U2SURP: variants seen among roughly 807,000 people sequenced by gnomAD.
The protein encoded by U2SURP is U2 snRNP associated SURP domain containing, also known as U2 snRNP-associated SURP motif-containing protein.
A neutral mutation model predicts 144.9 loss-of-function variants in U2SURP; 9 were observed. The ratio of observed to expected loss-of-function variants is 0.06; its 90% CI spans 0.04 to 0.11. The LOEUF (loss-of-function observed/expected upper bound fraction) is 0.11, where lower values mean the gene tolerates loss of function less well. Ranked by LOEUF, U2SURP falls within the 10% of genes least tolerant of loss-of-function variation. U2SURP has a pLI of 1.00. For synonymous variants in U2SURP, 408 were observed against 396.8 expected (o/e 1.03, Z -0.33); for missense variants, 724 against 1,226.7 (o/e 0.59, Z 6.12).
chr3:143,033,157 T>A, intron 17 of U2SURP, 114 bp from the exon 18 acceptor site: 1 of 822,744 alleles, frequency 1.2e-6, no homozygotes, highest in Non-Finnish European at 1.9e-6. Flanking sequence ...GCCAGAGTCA[T>A]AGTTGTGGTG....
chr3:143,018,163 A>G lies in U2SURP; in HGVS notation c.570+1188A>G, dbSNP rs1936463597. On this transcript the variant is annotated intron_variant, in intron 6 of 27. Transcript: ENST00000473835. ...AATTTCAGAATATTTTTATCACCCT[A>G]AAAAGAAATCCCTACCCATTATCAG... Among the ~76,000 whole-genome samples the G allele has an allele frequency of 2.0e-5, 3 of 152,284 alleles. No individual in the cohort carries two copies. In the South Asian group the frequency reaches 6.2e-4, roughly 32 times the overall value.
intron 6 of U2SURP, among the ~76,000 whole-genome samples, chr3:143,017,831 C>T (rs1057510320): frequency 6.6e-6 from 1 of 151,892 alleles, no homozygotes; most frequent in African/African-American, 2.4e-5. Context: ...GCCATTTTGC[C>T]CAGGCTGGTC....
At chr3:143,027,042 G>A (rs1933196557) in intron 13 of U2SURP, 107 bp from the exon 14 acceptor site, 1 of 851,548 alleles carries the variant, frequency 1.2e-6, no homozygotes, top group African/African-American at 1.7e-5. Context: ...TTCGGTGTTA[G>A]TCAGCAGAAT....
intron 9 of U2SURP, 33 bp from the exon 10 acceptor site, chr3:143,021,440 C>T (rs1486100638): frequency 1.4e-5 from 22 of 1,611,066 alleles, no homozygotes; most frequent in Non-Finnish European, 1.8e-5. Context: ...TTATGTTTTG[C>T]AGGTTATAAT....
At chr3:143,004,969 G>T (rs1935760128) in intron 1 of U2SURP, among the ~76,000 whole-genome samples, 1 of 151,992 alleles carries the variant, frequency 6.6e-6, no homozygotes, top group Non-Finnish European at 1.5e-5. Flanking sequence ...TATTTCCTTA[G>T]AATTTAATTT....
rs1376680380 is a variant in U2SURP at position 143,022,670 on chromosome 3, C to A, written c.1018+8C>A. The A allele has an allele frequency of 2.5e-6, 4 of 1,605,064 alleles. No individual in the cohort carries two copies. Among genetic ancestry groups the A allele is most frequent in the Non-Finnish European group, 3.4e-6 (4 of 1,176,370 alleles). ...CTTTAAAAAATTTGAATGGTAAGAACATTTTTATTATCCATTTATACAATT... is the reference window on the plus strand; with the variant it reads ...CTTTAAAAAATTTGAATGGTAAGAAAATTTTTATTATCCATTTATACAATT... On this transcript the variant is annotated splice_region_variant and intron_variant, in intron 11 of 27. Transcript: ENST00000473835.
intron 4 of U2SURP, among the ~76,000 whole-genome samples, chr3:143,016,018 A>G (rs1480194489): frequency 6.6e-6 from 1 of 152,116 alleles, no homozygotes; most frequent in Admixed American, 6.6e-5. Flanking sequence ...AAATTTACTA[A>G]TTAATCTATA....
At chr3:143,036,226 C>A in intron 20 of U2SURP, 122 bp downstream of exon 20, 1 of 1,101,396 alleles carries the variant, frequency 9.1e-7, no homozygotes, top group Admixed American at 3.6e-5. Context: ...TATTGCTTAC[C>A]ATTAAGTAGT....
At chr3:143,048,541 G>A (rs1934667991) in intron 24 of U2SURP, among the ~76,000 whole-genome samples, 1 of 152,076 alleles carries the variant, frequency 6.6e-6, no homozygotes, top group Non-Finnish European at 1.5e-5. Flanking sequence ...TAAAACACAC[G>A]AAAAATGTAG....
In U2SURP at chr3:143,041,119, C is replaced by T. The variant is rs894755971; in HGVS notation, c.2385-1998C>T. 2.6e-5 allele frequency among the ~76,000 whole-genome samples: 4 copies of T among 151,826 alleles called. 1 individual carries two copies. The highest frequency in any genetic ancestry group is 4.1e-4 in the South Asian group (2 of 4,820). On this transcript the variant is annotated intron_variant, in intron 23 of 27. Transcript: ENST00000473835. ...CTAGAATTGGTTAAGTAATCAATATCTGCTGTATTATTGTTTCATAGTAAC... is the reference window on the plus strand; with the variant it reads ...CTAGAATTGGTTAAGTAATCAATATTTGCTGTATTATTGTTTCATAGTAAC...
chr3:143,002,014 C>T (rs1196627273), intron 1 of U2SURP, among the ~76,000 whole-genome samples: 7 of 152,242 alleles, frequency 4.6e-5, no homozygotes, highest in Non-Finnish European at 1.0e-4. Flanking sequence ...GGCCGCCAGA[C>T]AGCGCCTGGG....
chr3:143,049,135 G>A (rs143249420), intron 24 of U2SURP, among the ~76,000 whole-genome samples: 4,404 of 150,540 alleles, frequency 0.029, 180 homozygotes, highest in African/African-American at 0.1. Flanking sequence ...GCTTGGTGGC[G>A]TGCGCCTGTA....
intron 25 of U2SURP, 139 bp from the exon 26 acceptor site, chr3:143,053,537 T>TC: frequency 1.7e-6 from 1 of 573,168 alleles, no homozygotes; most frequent in Non-Finnish European, 2.7e-6. Flanking sequence ...AGGGGTAGAT[T>TC]TTTTTTTTTT....
At position 143,056,562 on chromosome 3, in the gene U2SURP, T is replaced by C; in HGVS notation, c.*112T>C. ...AATGAAAGAGCATTCCTGGGGTTTT[T>C]TGTTTGTTTGTGTATGCATGTGTAA... On this transcript the variant is annotated 3_prime_UTR_variant, in exon 28 of 28. Coordinates refer to ENST00000473835, the MANE Select transcript of U2SURP (RefSeq NM_001080415.2). 1 of 1,374,706 alleles carries C rather than the reference T, an allele frequency of 7.3e-7. No homozygotes were observed. Among genetic ancestry groups the C allele is most frequent in the South Asian group, 1.5e-5 (1 of 66,870 alleles). The allele number at this position is 1,374,706 out of a possible 1,614,324, so 85.2% of individuals were successfully genotyped here. A position where few individuals can be genotyped will look rare whatever the true frequency, so the allele number is the denominator to read the frequency against.
Position 143,038,156 on chromosome 3 carries a change from C to T in U2SURP, c.2270C>T (p.Ala757Val). 1 of 1,607,844 alleles carries T rather than the reference C, an allele frequency of 6.2e-7. No homozygotes were observed. ...SKKNEPIFKV[A>V]PSKWEAVDES... ...AAGAATGAGCCTATATTTAAAGTTG[C>T]CCCATCAAAATGGGAAGCTGTGGAT... The change falls in exon 22 of 28, where the codon GCC becomes GTC. Residue 757 changes from alanine to valine, a missense_variant. Coordinates refer to ENST00000473835, the MANE Select transcript of U2SURP (RefSeq NM_001080415.2).
At position 143,056,627 on chromosome 3, in the gene U2SURP, A is replaced by G; in HGVS notation, c.*177A>G. 1.5e-6 allele frequency: 1 copy of G among 647,376 alleles called. No individual in the cohort carries two copies. Among genetic ancestry groups the G allele is most frequent in the Non-Finnish European group, 2.5e-6 (1 of 396,542 alleles). The allele number at this position is 647,376 out of a possible 1,614,324, so 40.1% of individuals were successfully genotyped here. On this transcript the variant is annotated 3_prime_UTR_variant, in exon 28 of 28. Transcript: ENST00000473835. ...GCATCTGTAGATCTGTCATTGTTTT[A>G]TATTGTGTAAATTACTTTCATTGTG...
At chr3:143,006,072 CTTGAG>C (rs1438015179) in intron 1 of U2SURP, among the ~76,000 whole-genome samples, 3 of 152,084 alleles carry the variant, frequency 2.0e-5, no homozygotes, top group African/African-American at 7.2e-5. Flanking sequence ...ACATATATTC[CTTGAG>C]TTAAGTTTTT....
chr3:143,051,642 A>G (rs1384989828), intron 25 of U2SURP, among the ~76,000 whole-genome samples: 2 of 150,612 alleles, frequency 1.3e-5, no homozygotes, highest in Non-Finnish European at 1.5e-5. Context: ...TAATAATGAG[A>G]TTATATAGAA....
intron 16 of U2SURP, among the ~76,000 whole-genome samples, chr3:143,031,979 T>C (rs1933525532): frequency 6.6e-6 from 1 of 152,202 alleles, no homozygotes; most frequent in Non-Finnish European, 1.5e-5. Flanking sequence ...ATACAGTCAA[T>C]TCCCTTCCCT....
Sources: gnomAD v4.1 joint callset for allele counts (sites outside exome capture counted in the v4.1 genomes callset) on GRCh38, gnomAD v4.1.1 for gene constraint, MANE v1.5 for transcripts, NCBI Gene and HGNC (gene_info 2026-07-23, HGNC 2026-07-21) for gene names.